UBE3A: variants seen among roughly 807,000 people sequenced by gnomAD.
UBE3A encodes ubiquitin-protein ligase E3A.
A neutral mutation model predicts 83.4 loss-of-function variants in UBE3A; 6 were observed. The ratio of observed to expected loss-of-function variants is 0.07; its 90% CI spans 0.04 to 0.14. The LOEUF (loss-of-function observed/expected upper bound fraction) is 0.14, where lower values mean the gene tolerates loss of function less well. Among genes scored for constraint, UBE3A ranks in the 10% least tolerant of loss-of-function variants. The pLI, the probability that UBE3A is intolerant of heterozygous loss-of-function variation, is 1.00. For missense variants in UBE3A, 456 were observed against 1,036.1 expected (o/e 0.44, Z 7.69); for synonymous variants, 337 against 355.4 (o/e 0.95, Z 0.58).
intron 6 of UBE3A, among the ~76,000 whole-genome samples, chr15:25,366,024 G>A (rs1470038711): frequency 6.6e-6 from 1 of 152,032 alleles, no homozygotes; most frequent in East Asian, 1.9e-4. Context: ...ATCTCTTTTA[G>A]ATTTCATTTT....
At chr15:25,347,630 G>T (rs1414123960) in intron 11 of UBE3A, among the ~76,000 whole-genome samples, 1 of 152,208 alleles carries the variant, frequency 6.6e-6, no homozygotes, top group African/African-American at 2.4e-5. Context: ...AACCTGGGAA[G>T]CCGATGTTGC....
chr15:25,429,719 A>G (rs1892488215), intron 1 of UBE3A, among the ~76,000 whole-genome samples: 1 of 151,798 alleles, frequency 6.6e-6, no homozygotes, highest in Non-Finnish European at 1.5e-5. Flanking sequence ...TTAAGAATGT[A>G]ATAGGATTGG....
intron 3 of UBE3A, chr15:25,407,168 C>T: frequency 1.5e-6 from 2 of 1,346,036 alleles, no homozygotes; most frequent in Non-Finnish European, 2.0e-6. Context: ...CATGTACCAG[C>T]TGACTCATTT....
intron 6 of UBE3A, among the ~76,000 whole-genome samples, chr15:25,367,228 T>TTGTAAATATGTAAATATTTACATAC (rs2079372633): frequency 5.0e-5 from 4 of 79,598 alleles, no homozygotes; most frequent in Non-Finnish European, 9.4e-5. Flanking sequence ...TATTTACATA[T>TTGTAAATATGTAAATATTTACATAC]TTGTAAATAT....
At chr15:25,362,753 C>T (rs1566921886) in intron 6 of UBE3A, among the ~76,000 whole-genome samples, 1 of 152,192 alleles carries the variant, frequency 6.6e-6, no homozygotes, top group Non-Finnish European at 1.5e-5. Context: ...ACCAGGCCAA[C>T]ATTCCATATT....
Position 25,409,217 on chromosome 15 carries a change from T to C in UBE3A, c.-100-10A>G. The C allele has an allele frequency of 2.0e-6, 2 of 1,008,816 alleles. No homozygotes were observed. Among genetic ancestry groups the C allele is most frequent in the Admixed American group, 4.2e-5 (2 of 47,594 alleles). The allele number at this position is 1,008,816 out of a possible 1,614,324, so 62.5% of individuals were successfully genotyped here. ...CGTAGGCTTAATAACTCTAATAAATTAAACAAACCTTTGGTTAGAACACTT... is the reference window on the plus strand; with the variant it reads ...CGTAGGCTTAATAACTCTAATAAATCAAACAAACCTTTGGTTAGAACACTT... On this transcript the variant is annotated splice_polypyrimidine_tract_variant and intron_variant, in intron 2 of 12. Coordinates refer to ENST00000648336, the MANE Select transcript of UBE3A (RefSeq NM_130839.5).
intron 11 of UBE3A, among the ~76,000 whole-genome samples, chr15:25,349,193 G>C (rs1158893210): frequency 6.6e-6 from 1 of 152,132 alleles, no homozygotes; most frequent in Non-Finnish European, 1.5e-5. Flanking sequence ...TTAACAAATG[G>C]TACTGGAACA....
At chr15:25,389,261 C>CAAAAAAA (rs57524621) in intron 4 of UBE3A, among the ~76,000 whole-genome samples, 1 of 146,180 alleles carries the variant, frequency 6.8e-6, no homozygotes, top group African/African-American at 2.5e-5. Context: ...CATCCACATG[C>CAAAAAAA]AAAAAAAAAA....
intron 6 of UBE3A, among the ~76,000 whole-genome samples, chr15:25,368,753 A>T (rs929586192): frequency 6.6e-5 from 10 of 152,200 alleles, no homozygotes; most frequent in Admixed American, 2.6e-4. Context: ...ATTCTAGAAT[A>T]GAATTTAAAA....
intron 11 of UBE3A, among the ~76,000 whole-genome samples, chr15:25,344,942 C>T (rs1275964033): frequency 1.3e-5 from 2 of 152,006 alleles, no homozygotes. Flanking sequence ...ATGATGGCAA[C>T]GACATAGTTA....
rs2073869699 is a variant in UBE3A at position 25,334,596 on chromosome 15, G to A, written c.*4541C>T. ...GCAAGGGACCCAAAACAGACAAAATGATTTTGGGGAAAAAAAAAAAAAAAA... is the reference window on the plus strand; with the variant it reads ...GCAAGGGACCCAAAACAGACAAAATAATTTTGGGGAAAAAAAAAAAAAAAA... On this transcript the variant is annotated 3_prime_UTR_variant, in exon 13 of 13. Transcript: ENST00000648336. 9.4e-6 allele frequency: 1 copy of A among 106,580 alleles called. No individual in the cohort carries two copies. Among genetic ancestry groups the A allele is most frequent in the South Asian group, 4.2e-4 (1 of 2,404 alleles). 6.6% of individuals were successfully genotyped at this position (106,580 alleles called of 1,614,324 possible).
At chr15:25,430,769 A>G (rs1445065845) in intron 1 of UBE3A, among the ~76,000 whole-genome samples, 2 of 152,192 alleles carry the variant, frequency 1.3e-5, no homozygotes, top group Non-Finnish European at 2.9e-5. Flanking sequence ...TATAATCTTC[A>G]ATCCAGGATT....
At chr15:25,357,042 T>C in intron 7 of UBE3A, 146 bp from the exon 8 acceptor site, 1 of 698,532 alleles carries the variant, frequency 1.4e-6, no homozygotes, top group Non-Finnish European at 2.3e-6. Flanking sequence ...TCTATTATAT[T>C]AGCACTTGAG....
intron 4 of UBE3A, 88 bp from the exon 5 acceptor site, chr15:25,375,851 A>C (rs2152849569): frequency 6.8e-7 from 1 of 1,467,584 alleles, no homozygotes; most frequent in Non-Finnish European, 9.4e-7. Flanking sequence ...AAAGTTAGTC[A>C]AGCACTGAAG....
At chr15:25,434,387 G>T (rs534180133) in intron 1 of UBE3A, among the ~76,000 whole-genome samples, 3 of 152,150 alleles carry the variant, frequency 2.0e-5, no homozygotes, top group Non-Finnish European at 4.4e-5. Context: ...GGGCAACACA[G>T]TGAGACCCCC....
At chr15:25,344,151 G>C (rs1044658438) in intron 11 of UBE3A, among the ~76,000 whole-genome samples, 2 of 152,126 alleles carry the variant, frequency 1.3e-5, no homozygotes, top group Non-Finnish European at 2.9e-5. Flanking sequence ...AATAATGCAT[G>C]AACATTAAGA....
chr15:25,399,562 G>T (rs1004301167), intron 4 of UBE3A, among the ~76,000 whole-genome samples: 1 of 151,590 alleles, frequency 6.6e-6, no homozygotes, highest in African/African-American at 2.4e-5. Context: ...CGATGTGTCT[G>T]TTTTTTTGTT....
chr15:25,345,374 G>C (rs1452350422), intron 11 of UBE3A, among the ~76,000 whole-genome samples: 2 of 152,092 alleles, frequency 1.3e-5, no homozygotes, highest in Non-Finnish European at 2.9e-5. Context: ...AATGGACCAG[G>C]TCAGTAATAA....
chr15:25,431,343 C>CTTTTA (rs1293126323), intron 1 of UBE3A, among the ~76,000 whole-genome samples: 2 of 151,410 alleles, frequency 1.3e-5, no homozygotes, highest in East Asian at 1.9e-4. Context: ...AGCATATTTT[C>CTTTTA]TTTTCTTTTC....
Sources: gnomAD v4.1 joint callset for allele counts (sites outside exome capture counted in the v4.1 genomes callset) on GRCh38, gnomAD v4.1.1 for gene constraint, MANE v1.5 for transcripts, NCBI Gene and HGNC (gene_info 2026-07-23, HGNC 2026-07-21) for gene names.